The following LRRC37A2 variants were observed in gnomAD, a reference collection of about 807,000 sequenced individuals.
The protein encoded by LRRC37A2 is leucine rich repeat containing 37 member A2.
A neutral mutation model predicts 68.8 loss-of-function variants in LRRC37A2; 9 were observed. The ratio of observed to expected loss-of-function variants is 0.13; its 90% CI spans 0.08 to 0.23. The LOEUF (loss-of-function observed/expected upper bound fraction) is 0.23, where lower values mean the gene tolerates loss of function less well. Among genes scored for constraint, LRRC37A2 ranks in the 10% least tolerant of loss-of-function variants. The pLI, the probability that LRRC37A2 is intolerant of heterozygous loss-of-function variation, is 1.00. For missense variants in LRRC37A2, 168 were observed against 950.4 expected (o/e 0.18, Z 10.82); for synonymous variants, 63 against 367.6 (o/e 0.17, Z 9.48).
At chr17:46,404,206 A>G in the LRRC37A2 span, among the ~76,000 whole-genome samples, 1 of 86,544 alleles carries the variant, frequency 1.2e-5, no homozygotes, top group Non-Finnish European at 2.4e-5. Context: ...TTTTTATCCA[A>G]TTGTATAGCA....
At chr17:46,801,348 G>A in the LRRC37A2 span, among the ~76,000 whole-genome samples, 9 of 152,220 alleles carry the variant, frequency 5.9e-5, no homozygotes, top group Non-Finnish European at 1.3e-4. Context: ...GGCCGGGCAC[G>A]GTGGCTCACG....
chr17:46,940,994 G>C, the LRRC37A2 span: 1 of 1,164,936 alleles, frequency 8.6e-7, no homozygotes, highest in Non-Finnish European at 1.1e-6. Context: ...GCCAGGGAAG[G>C]AGCACCCTCT....
chr17:46,872,654 C>A, the LRRC37A2 span: 3 of 1,613,690 alleles, frequency 1.9e-6, no homozygotes, highest in Non-Finnish European at 2.5e-6. Flanking sequence ...CGGAGGGAGC[C>A]CGGCCTGGCT....
At chr17:46,757,268 G>C in the LRRC37A2 span, 2 of 152,526 alleles carry the variant, frequency 1.3e-5, no homozygotes, top group Admixed American at 6.5e-5. Context: ...GTGAGATCCT[G>C]TGATTCCTGG....
chr17:46,633,839 C>G, the LRRC37A2 span, among the ~76,000 whole-genome samples: 1 of 118,946 alleles, frequency 8.4e-6, no homozygotes, highest in African/African-American at 3.8e-5. Flanking sequence ...ATCAAAGTTA[C>G]TCAGCATATA....
chr17:46,920,215 C>T, the LRRC37A2 span, among the ~76,000 whole-genome samples: 2 of 152,140 alleles, frequency 1.3e-5, no homozygotes, highest in Non-Finnish European at 2.9e-5. Flanking sequence ...TATTCATATG[C>T]TATTTTGTCC....
chr17:46,986,482 A>C, the LRRC37A2 span, among the ~76,000 whole-genome samples: 429 of 152,324 alleles, frequency 2.8e-3, 1 homozygote, highest in African/African-American at 9.9e-3. Flanking sequence ...TAAGCTCTAA[A>C]GCATCTGGCT....
At chr17:46,957,209 G>A in the LRRC37A2 span, among the ~76,000 whole-genome samples, 838 of 152,328 alleles carry the variant, frequency 5.5e-3, 9 homozygotes, top group African/African-American at 0.019. Flanking sequence ...GGAGGCTGAG[G>A]TGGGAGGACT....
At chr17:46,786,775 T>C in the LRRC37A2 span, among the ~76,000 whole-genome samples, 1 of 152,136 alleles carries the variant, frequency 6.6e-6, no homozygotes, top group Non-Finnish European at 1.5e-5. Context: ...CCCATCAGTT[T>C]TGGGTGATTG....
chr17:46,828,433 G>A, the LRRC37A2 span, among the ~76,000 whole-genome samples: 1 of 152,008 alleles, frequency 6.6e-6, no homozygotes, highest in Non-Finnish European at 1.5e-5. Flanking sequence ...GAACTCCTGA[G>A]CTCAAGCGAT....
At chr17:46,868,725 G>A in the LRRC37A2 span, among the ~76,000 whole-genome samples, 4 of 152,198 alleles carry the variant, frequency 2.6e-5, no homozygotes, top group Non-Finnish European at 4.4e-5. Flanking sequence ...AGCTAACTGT[G>A]GGTAATTGAG....
chr17:46,785,340 G>C, the LRRC37A2 span, among the ~76,000 whole-genome samples: 1 of 152,208 alleles, frequency 6.6e-6, no homozygotes, highest in South Asian at 2.1e-4. Context: ...TAATGTCACC[G>C]TGAGTGCAGC....
the LRRC37A2 span, among the ~76,000 whole-genome samples, chr17:46,894,229 C>T: frequency 6.6e-6 from 1 of 152,220 alleles, no homozygotes; most frequent in African/African-American, 2.4e-5. Context: ...GTACAAAGTG[C>T]TGAAGATGCA....
the LRRC37A2 span, among the ~76,000 whole-genome samples, chr17:46,773,380 A>C: frequency 6.6e-6 from 1 of 151,972 alleles, no homozygotes; most frequent in South Asian, 2.1e-4. Flanking sequence ...GGGAAATGTC[A>C]CAAATGTCCA....
chr17:47,023,523 A>C, the LRRC37A2 span, among the ~76,000 whole-genome samples: 1 of 152,226 alleles, frequency 6.6e-6, no homozygotes, highest in African/African-American at 2.4e-5. Context: ...TCTACTAAAA[A>C]TACAAAAAGT....
the LRRC37A2 span, among the ~76,000 whole-genome samples, chr17:46,710,771 A>G: frequency 1.3e-5 from 2 of 152,198 alleles, no homozygotes; most frequent in African/African-American, 4.8e-5. Flanking sequence ...AGTCACCCAA[A>G]GCAGCTTTTT....
the LRRC37A2 span, chr17:46,930,805 T>G: frequency 2.8e-6 from 1 of 356,176 alleles, no homozygotes; most frequent in Non-Finnish European, 5.2e-6. Flanking sequence ...TTGGACAACC[T>G]TTGCATGTTT....
the LRRC37A2 span, among the ~76,000 whole-genome samples, chr17:46,973,535 T>C: frequency 6.6e-6 from 1 of 152,088 alleles, no homozygotes; most frequent in Non-Finnish European, 1.5e-5. Context: ...ATCCATGGAC[T>C]GGAGTGCACT....
the LRRC37A2 span, among the ~76,000 whole-genome samples, chr17:46,995,242 C>G: frequency 6.6e-6 from 1 of 152,148 alleles, no homozygotes; most frequent in Non-Finnish European, 1.5e-5. Context: ...CCTATGCTGT[C>G]TAAGCCCCAG....
Sources: allele counts gnomAD v4.1 joint callset (sites outside exome capture counted in the v4.1 genomes callset), GRCh38; gene constraint gnomAD v4.1.1; transcripts MANE v1.5; gene names NCBI Gene and HGNC (gene_info 2026-07-23, HGNC 2026-07-21).